Variants in COMMD10 observed in about 807,000 individuals in gnomAD.
COMMD10 encodes COMM domain-containing protein 10.
A neutral mutation model predicts 28.9 loss-of-function variants in COMMD10; 33 were observed. That is an observed-to-expected ratio of 1.14 (90% CI 0.87 to 1.53). COMMD10 has a LOEUF of 1.53. Among genes scored for constraint, COMMD10 ranks in the 40% most tolerant of loss-of-function variants. COMMD10 has a pLI of 0.00. For missense variants in COMMD10, 310 were observed against 233.4 expected (o/e 1.33, Z -2.14); for synonymous variants, 110 against 81.7 (o/e 1.35, Z -1.87).
At chr5:116,218,223 A>C in intron 5 of COMMD10, 1 of 758,868 alleles carries the variant, frequency 1.3e-6, no homozygotes, top group Non-Finnish European at 2.4e-6. Flanking sequence ...AACCTTGCAG[A>C]TCTTCTCTGT....
At chr5:116,193,571 CAA>C (rs1456558889) in intron 5 of COMMD10, among the ~76,000 whole-genome samples, 2 of 152,104 alleles carry the variant, frequency 1.3e-5, no homozygotes, top group African/African-American at 4.8e-5. Context: ...GCAGTTAAAA[CAA>C]AGAGGGACAT....
chr5:116,095,575 G>A (rs1750442566), intron 4 of COMMD10, among the ~76,000 whole-genome samples: 1 of 151,010 alleles, frequency 6.6e-6, no homozygotes, highest in Non-Finnish European at 1.5e-5. Flanking sequence ...CTAATCTGTA[G>A]CTTTCCTTTT....
chr5:116,092,881 C>T (rs551280738), intron 4 of COMMD10, among the ~76,000 whole-genome samples, 181 bp downstream of exon 4: 13 of 152,234 alleles, frequency 8.5e-5, no homozygotes, highest in African/African-American at 1.2e-4. Flanking sequence ...TTGAAAATAT[C>T]GTTAAGTCAA....
chr5:116,157,639 T>A (rs895382753), intron 5 of COMMD10, among the ~76,000 whole-genome samples: 3 of 152,178 alleles, frequency 2.0e-5, no homozygotes, highest in African/African-American at 4.8e-5. Flanking sequence ...ATTTAAGGAA[T>A]AGGGAAGTAG....
At chr5:116,245,976 A>G (rs923971154) in intron 5 of COMMD10, among the ~76,000 whole-genome samples, 3 of 152,102 alleles carry the variant, frequency 2.0e-5, no homozygotes, top group African/African-American at 4.8e-5. Context: ...TATTGGAAGT[A>G]CTGGCCAGGG....
chr5:116,243,524 A>G (rs1749866412), intron 5 of COMMD10, among the ~76,000 whole-genome samples: 1 of 152,178 alleles, frequency 6.6e-6, no homozygotes, highest in South Asian at 2.1e-4. Context: ...ATGATTCTCC[A>G]AGTATCTTGG....
intron 5 of COMMD10, among the ~76,000 whole-genome samples, chr5:116,254,547 C>G (rs544277093): frequency 1.3e-5 from 2 of 150,948 alleles, no homozygotes; most frequent in Non-Finnish European, 2.9e-5. Flanking sequence ...GCCTTCATTT[C>G]GTTATGTACC....
At chr5:116,266,925 T>A (rs946945312) in intron 5 of COMMD10, among the ~76,000 whole-genome samples, 1 of 151,818 alleles carries the variant, frequency 6.6e-6, no homozygotes, top group African/African-American at 2.4e-5. Context: ...CTCAATAAAT[T>A]AGGTATTGAT....
At chr5:116,204,135 G>C (rs1367256732) in intron 5 of COMMD10, among the ~76,000 whole-genome samples, 1 of 152,006 alleles carries the variant, frequency 6.6e-6, no homozygotes, top group East Asian at 1.9e-4. Flanking sequence ...GATCAAAAGA[G>C]ACAAAGAAGG....
chr5:116,218,222 G>T lies in COMMD10; in HGVS notation c.511-73295G>T, dbSNP rs55988361. On this transcript the variant is annotated intron_variant, in intron 5 of 6. Transcript: ENST00000274458. ...AGCAGGTTTAGCGGACAACCTTGCA[G>T]ATCTTCTCTGTGGTTCGTCCTTTAC... 1.5e-3 allele frequency: 1,152 copies of T among 759,472 alleles called. 9 individuals are homozygous for T. The highest frequency in any genetic ancestry group is 0.015 in the African/African-American group (853 of 58,774). 47.0% of individuals were successfully genotyped at this position (759,472 alleles called of 1,614,324 possible).
At chr5:116,225,383 A>T (rs527744346) in intron 5 of COMMD10, among the ~76,000 whole-genome samples, 15 of 128,766 alleles carry the variant, frequency 1.2e-4, no homozygotes, top group African/African-American at 4.2e-4. Context: ...CATATGTAGA[A>T]ATTTCTGGTT....
At chr5:116,158,765 C>A (rs187050812) in intron 5 of COMMD10, among the ~76,000 whole-genome samples, 234 of 151,894 alleles carry the variant, frequency 1.5e-3, no homozygotes, top group African/African-American at 5.3e-3. Flanking sequence ...TTTTGACTTT[C>A]ATTAATCTAA....
At chr5:116,208,699 G>A (rs41333844) in intron 5 of COMMD10, among the ~76,000 whole-genome samples, 1 of 125,928 alleles carries the variant, frequency 7.9e-6, no homozygotes, top group African/African-American at 5.0e-5. Context: ...GTGACCACAC[G>A]TTTTTTTCTT....
At chr5:116,287,649 C>T (rs1318440375) in intron 5 of COMMD10, among the ~76,000 whole-genome samples, 1 of 151,560 alleles carries the variant, frequency 6.6e-6, no homozygotes, top group African/African-American at 2.4e-5. Flanking sequence ...TTTCCTCTCT[C>T]ATTGCCTTTC....
In COMMD10 at chr5:116,225,353, G is replaced by GGTTTTTTTTTTTTTTTTTTTTTTT. The variant is rs143964154; in HGVS notation, c.511-66164_511-66163insGTTTTTTTTTTTTTTTTTTTTTTT. ...AGACTTTCCTGTTTGTTTTTTTGGG[G>GGTTTTTTTTTTTTTTTTTTTTTTT]ATTTTTTTTTTTTTTTTTGCATATG... On this transcript the variant is annotated intron_variant, in intron 5 of 6. Coordinates refer to ENST00000274458, the MANE Select transcript of COMMD10 (RefSeq NM_016144.4). Among the ~76,000 whole-genome samples, 3 of 116,512 alleles carry GGTTTTTTTTTTTTTTTTTTTTTTT rather than the reference G, an allele frequency of 2.6e-5. 1 individual carries two copies. Among genetic ancestry groups the GGTTTTTTTTTTTTTTTTTTTTTTT allele is most frequent in the African/African-American group, 1.0e-4 (3 of 29,344 alleles). The allele number at this position is 116,512 out of a possible 152,430, so 76.4% of individuals were successfully genotyped here. A position where few individuals can be genotyped will look rare whatever the true frequency, so the allele number is the denominator to read the frequency against.
chr5:116,227,258 T>G (rs1303891079), intron 5 of COMMD10, among the ~76,000 whole-genome samples: 1 of 152,072 alleles, frequency 6.6e-6, no homozygotes, highest in African/African-American at 2.4e-5. Context: ...GTTTTCTCGT[T>G]AATGGAGCAT....
chr5:116,209,749 A>T (rs1026203099), intron 5 of COMMD10, among the ~76,000 whole-genome samples: 1 of 152,108 alleles, frequency 6.6e-6, no homozygotes, highest in Admixed American at 6.6e-5. Flanking sequence ...TCTCTTAAAT[A>T]TATGTTTTTG....
chr5:116,270,368 G>C (rs1400031061), intron 5 of COMMD10, among the ~76,000 whole-genome samples: 1 of 151,830 alleles, frequency 6.6e-6, no homozygotes, highest in African/African-American at 2.4e-5. Flanking sequence ...CCAGTTTATA[G>C]AAAGCTTTAA....
At chr5:116,104,643 G>A (rs560508862) in intron 4 of COMMD10, among the ~76,000 whole-genome samples, 3 of 149,256 alleles carry the variant, frequency 2.0e-5, no homozygotes, top group Admixed American at 6.7e-5. Flanking sequence ...TTTTTGAGAC[G>A]GAGTCTCACT....
Sources: allele counts gnomAD v4.1 joint callset (sites outside exome capture counted in the v4.1 genomes callset), GRCh38; gene constraint gnomAD v4.1.1; transcripts MANE v1.5; gene names NCBI Gene and HGNC (gene_info 2026-07-23, HGNC 2026-07-21).